STPG1: variants seen among roughly 807,000 people sequenced by gnomAD.
STPG1 encodes the protein O(6)-methylguanine-induced apoptosis 2.
A neutral mutation model predicts 40.1 loss-of-function variants in STPG1; 33 were observed. That is an observed-to-expected ratio of 0.82 (90% CI 0.62 to 1.10). The LOEUF (loss-of-function observed/expected upper bound fraction) is 1.10. STPG1 is among the 50% of genes least tolerant of loss of function. The pLI, the probability that STPG1 is intolerant of heterozygous loss-of-function variation, is 0.00. For synonymous variants in STPG1, 150 were observed against 155.0 expected (o/e 0.97, Z 0.24); for missense variants, 396 against 415.1 (o/e 0.95, Z 0.40).
chr1:24,364,161 C>A (rs1569976026), intron 7 of STPG1: 2 of 1,485,228 alleles, frequency 1.3e-6, no homozygotes, highest in South Asian at 1.4e-5. Flanking sequence ...GAATTCAATT[C>A]TTGACGTTCT....
chr1:24,404,816 A>G (rs2148714571), intron 1 of STPG1, among the ~76,000 whole-genome samples: 1 of 152,284 alleles, frequency 6.6e-6, no homozygotes, highest in East Asian at 1.9e-4. Context: ...CTATAGGTTT[A>G]CCAATGTATT....
chr1:24,358,574 T>C lies in STPG1; in HGVS notation c.974A>G (p.Asn325Ser), dbSNP rs1185210553. 2.5e-6 allele frequency: 4 copies of C among 1,614,006 alleles called. No homozygotes were observed. In the Admixed American group the frequency reaches 5.0e-5, roughly 20 times the overall value. Residue 325 changes from asparagine to serine, a missense_variant, in exon 9 of 9, where the codon AAC (asparagine) becomes AGC (serine). Physicochemically the swap from Asn to Ser is conservative, Grantham distance 46 (BLOSUM62 1). Coordinates refer to ENST00000337248, the MANE Select transcript of STPG1 (RefSeq NM_001199013.2). Reference sequence around the variant, plus strand: ...AACCGGGATCCATTTCTTGTCCTCGTTGTAGAGGAAGGACTGCTTTCCTGG... The same window carrying C: ...AACCGGGATCCATTTCTTGTCCTCGCTGTAGAGGAAGGACTGCTTTCCTGG... ...ELPGKQSFLY[N>S]EDKKWIPVL is the part of the protein sequence containing the mutation.
At chr1:24,370,070 A>G (rs1641664198) in intron 6 of STPG1, among the ~76,000 whole-genome samples, 1 of 152,164 alleles carries the variant, frequency 6.6e-6, no homozygotes, top group Non-Finnish European at 1.5e-5. Flanking sequence ...TGGCAAGATG[A>G]GTATTACTGC....
At chr1:24,373,391 T>A (rs2148689167) in intron 6 of STPG1, among the ~76,000 whole-genome samples, 1 of 152,280 alleles carries the variant, frequency 6.6e-6, no homozygotes, top group African/African-American at 2.4e-5. Context: ...AGCTGGGGTA[T>A]ACGAATGTGC....
intron 1 of STPG1, among the ~76,000 whole-genome samples, chr1:24,409,786 C>T (rs1643545763): frequency 6.6e-6 from 1 of 152,180 alleles, no homozygotes; most frequent in Non-Finnish European, 1.5e-5. Flanking sequence ...TCAGATCCAC[C>T]ATCACGTTGT....
chr1:24,373,180 C>T (rs1280168234), intron 6 of STPG1, among the ~76,000 whole-genome samples: 5 of 152,176 alleles, frequency 3.3e-5, no homozygotes, highest in South Asian at 2.1e-4. Context: ...GAACCTATGA[C>T]GGCAGACCTG....
At position 24,357,821 on chromosome 1, in the gene STPG1, G is replaced by T. The variant is rs1040123614; in HGVS notation, c.*722C>A. 6.8e-6 allele frequency: 2 copies of T among 292,052 alleles called. No individual in the cohort carries two copies. Among genetic ancestry groups the T allele is most frequent in the Admixed American group, 9.3e-5 (2 of 21,488 alleles). 18.1% of individuals were successfully genotyped at this position (292,052 alleles called of 1,614,324 possible). A position where few individuals can be genotyped will look rare whatever the true frequency, so the allele number is the denominator to read the frequency against. The stretch of plus-strand genomic sequence containing the variant: ...CAGGCCATGTGGACTCCATGGAAGG[G>T]CCTGTAAGCCTTGAGAAAATTCAGT... On this transcript the variant is annotated 3_prime_UTR_variant, in exon 9 of 9. Transcript: ENST00000337248.
At chr1:24,391,778 G>T in intron 2 of STPG1, 99 bp from the exon 3 acceptor site, 3 of 1,163,826 alleles carry the variant, frequency 2.6e-6, no homozygotes, top group Non-Finnish European at 3.4e-6. Context: ...ATTTTAAATG[G>T]TAGAGAAGAG....
chr1:24,376,242 A>G (rs962021275), intron 5 of STPG1, among the ~76,000 whole-genome samples: 1 of 152,118 alleles, frequency 6.6e-6, no homozygotes, highest in Non-Finnish European at 1.5e-5. Flanking sequence ...GCTGGTCTCA[A>G]ACTCCTGACC....
chr1:24,400,602 G>C (rs1643184310), intron 2 of STPG1, among the ~76,000 whole-genome samples: 1 of 152,208 alleles, frequency 6.6e-6, no homozygotes. Flanking sequence ...GGATTTGAGA[G>C]CAGCAGCGAC....
chr1:24,413,331 C>CAGTAGAGAT (rs1643820609), intron 1 of STPG1, among the ~76,000 whole-genome samples: 1 of 152,242 alleles, frequency 6.6e-6, no homozygotes, highest in South Asian at 2.1e-4. Context: ...TCTTTGGCGT[C>CAGTAGAGAT]CACCCACTGC....
intron 7 of STPG1, chr1:24,364,159 T>C: frequency 2.7e-6 from 4 of 1,484,140 alleles, no homozygotes; most frequent in Non-Finnish European, 3.6e-6. Context: ...TCGAATTCAA[T>C]TCTTGACGTT....
intron 2 of STPG1, among the ~76,000 whole-genome samples, chr1:24,397,914 C>T (rs1355716518): frequency 6.6e-6 from 1 of 152,130 alleles, no homozygotes; most frequent in African/African-American, 2.4e-5. Flanking sequence ...ATTTTATCTA[C>T]AAGTCTTTAA....
rs114724445 is a variant in STPG1, at chr1:24,396,213, C to T, written c.71-4534G>A. On this transcript the variant is annotated intron_variant, in intron 2 of 8. Coordinates refer to ENST00000337248, the MANE Select transcript of STPG1 (RefSeq NM_001199013.2). ...AAACTCTAAAGTATGTAGGGATCAA[C>T]GAACTTTTTCTAAGGGCCAGATAGT... 7.3e-3 allele frequency among the ~76,000 whole-genome samples: 1,109 copies of T among 152,152 alleles called. 16 individuals are homozygous for T. The highest frequency in any genetic ancestry group is 0.025 in the African/African-American group (1,058 of 41,508).
chr1:24,399,086 A>C lies in STPG1; in HGVS notation c.70+2233T>G, dbSNP rs1221674354. The stretch of plus-strand genomic sequence containing the variant: ...TATGTACAACTATTATGTATCCATA[A>C]AAATTAAAAATAAAAAAGTAAAATA... On this transcript the variant is annotated intron_variant, in intron 2 of 8. Coordinates refer to ENST00000337248, the MANE Select transcript of STPG1 (RefSeq NM_001199013.2). The surrounding 1 kb of genome is among the most constrained non-coding windows in gnomAD (Gnocchi z 4.0). Among the ~76,000 whole-genome samples the C allele has an allele frequency of 6.6e-6, 1 of 152,178 alleles. No individual in the cohort carries two copies. Among genetic ancestry groups the C allele is most frequent in the Non-Finnish European group, 1.5e-5 (1 of 68,024 alleles).
At chr1:24,405,132 A>AT (rs1352131025) in intron 1 of STPG1, among the ~76,000 whole-genome samples, 1 of 152,036 alleles carries the variant, frequency 6.6e-6, no homozygotes, top group African/African-American at 2.4e-5. Context: ...AATTTTTTGT[A>AT]TTTTTAGTAG....
intron 1 of STPG1, among the ~76,000 whole-genome samples, chr1:24,404,683 T>A (rs1056204672): frequency 6.6e-6 from 1 of 152,198 alleles, no homozygotes; most frequent in Admixed American, 6.5e-5. Context: ...ATTTCATCTA[T>A]CACGAAACTT....
intron 7 of STPG1, among the ~76,000 whole-genome samples, chr1:24,366,935 C>A (rs569078313): frequency 2.6e-5 from 4 of 152,292 alleles, no homozygotes; most frequent in African/African-American, 7.2e-5. Flanking sequence ...GTGCAGACTG[C>A]GATGTTCTCA....
intron 8 of STPG1, among the ~76,000 whole-genome samples, chr1:24,360,401 G>A (rs1641027397): frequency 1.3e-5 from 2 of 152,100 alleles, no homozygotes; most frequent in Admixed American, 6.5e-5. Context: ...AGCCAAGACC[G>A]CACTACTGCA....
Sources: allele counts gnomAD v4.1 joint callset (sites outside exome capture counted in the v4.1 genomes callset), GRCh38; gene constraint gnomAD v4.1.1; non-coding constraint Gnocchi (gnomAD v3.1); transcripts MANE v1.5; gene names NCBI Gene and HGNC (gene_info 2026-07-23, HGNC 2026-07-21).